DLC1: variants seen among roughly 807,000 people sequenced by gnomAD.
DLC1 encodes DLC1 Rho GTPase activating protein.
A neutral mutation model predicts 140.3 loss-of-function variants in DLC1; 54 were observed. The ratio of observed to expected loss-of-function variants is 0.38; its 90% CI spans 0.31 to 0.48. The LOEUF (loss-of-function observed/expected upper bound fraction) is 0.48, where lower values mean the gene tolerates loss of function less well. Ranked by LOEUF, DLC1 falls within the 20% of genes least tolerant of loss-of-function variation. The pLI is 0.96. For synonymous variants in DLC1, 986 were observed against 728.1 expected, an observed-to-expected ratio of 1.35 and a Z score of -5.70; for missense variants, 2,536 against 1,907.0, an observed-to-expected ratio of 1.33 and a Z score of -6.14.
At chr8:13,595,929 C>G (rs375164792) in intron 1 of DLC1, among the ~76,000 whole-genome samples, 1 of 151,926 alleles carries the variant, frequency 6.6e-6, no homozygotes, top group Non-Finnish European at 1.5e-5. Context: ...AAATATATCA[C>G]ACAAAAGCAA....
intron 3 of DLC1, among the ~76,000 whole-genome samples, chr8:13,395,051 A>ATCTATCTATCTG (rs1563311693): frequency 8.6e-6 from 1 of 116,074 alleles, no homozygotes; most frequent in African/African-American, 3.0e-5. Context: ...CTATCTATCT[A>ATCTATCTATCTG]TTAGGTACCT....
chr8:13,100,548 G>A lies in DLC1; in HGVS notation c.1789C>T (p.Leu597Phe). 6.2e-7 allele frequency: 1 copy of A among 1,613,208 alleles called. No individual in the cohort carries two copies. Among genetic ancestry groups the A allele is most frequent in the Middle Eastern group, 1.7e-4 (1 of 6,048 alleles). Residue 597 changes from leucine to phenylalanine, a missense_variant, in exon 9 of 18, where the codon CTC (leucine) becomes TTC (phenylalanine). Transcript: ENST00000276297. ...ERQEVSSVRS[L>F]SSTGSLPSHA... The stretch of plus-strand genomic sequence containing the variant: ...CTGGGGAGGCTGCCAGTGCTGCTGA[G>A]GCTGCGGACGGAAGACACCTCCTGG...
chr8:13,445,667 A>T (rs73665115), intron 2 of DLC1, among the ~76,000 whole-genome samples: 1 of 152,202 alleles, frequency 6.6e-6, no homozygotes, highest in East Asian at 1.9e-4. Flanking sequence ...ACTGAACTTT[A>T]TTATAGGGAG....
chr8:13,417,931 T>A (rs528220484), intron 2 of DLC1, among the ~76,000 whole-genome samples: 5,156 of 152,266 alleles, frequency 0.034, 279 homozygotes, highest in African/African-American at 0.12. Flanking sequence ...TGGTATCTCA[T>A]TGTGGTTTTG....
At chr8:13,159,048 G>T (rs988562521) in intron 5 of DLC1, among the ~76,000 whole-genome samples, 3 of 152,128 alleles carry the variant, frequency 2.0e-5, no homozygotes, top group South Asian at 2.1e-4. Flanking sequence ...AGTGAAGCAG[G>T]CAGAGATAGG....
chr8:13,385,523 A>C (rs1289520870), intron 4 of DLC1, among the ~76,000 whole-genome samples: 2 of 152,218 alleles, frequency 1.3e-5, no homozygotes, highest in Non-Finnish European at 2.9e-5. Context: ...TAACCAAAAC[A>C]GTCAAGGATA....
At chr8:13,131,636 C>T (rs1190343809) in intron 5 of DLC1, among the ~76,000 whole-genome samples, 1 of 152,170 alleles carries the variant, frequency 6.6e-6, no homozygotes, top group Non-Finnish European at 1.5e-5. Context: ...CGGTGATTAG[C>T]ACACACTGGG....
intron 1 of DLC1, among the ~76,000 whole-genome samples, chr8:13,564,731 G>T (rs932214422): frequency 5.3e-5 from 8 of 152,172 alleles, no homozygotes; most frequent in African/African-American, 1.4e-4. Context: ...CCTTATAGCT[G>T]CAAAGCATTC....
At chr8:13,442,083 G>A (rs576185434) in intron 2 of DLC1, among the ~76,000 whole-genome samples, 9 of 152,238 alleles carry the variant, frequency 5.9e-5, no homozygotes, top group East Asian at 1.9e-4. Flanking sequence ...TGACAAACCT[G>A]AGAAAAACAA....
intron 1 of DLC1, among the ~76,000 whole-genome samples, chr8:13,537,363 G>C (rs1010537065): frequency 1.3e-5 from 2 of 152,148 alleles, no homozygotes; most frequent in Non-Finnish European, 2.9e-5. Flanking sequence ...AACACATAGC[G>C]TATGACTCTC....
chr8:13,500,630 A>T (rs1197154853), intron 1 of DLC1, among the ~76,000 whole-genome samples: 2 of 152,220 alleles, frequency 1.3e-5, no homozygotes, highest in Admixed American at 1.3e-4. Flanking sequence ...AGCGAAAGCC[A>T]CCAGGGAACT....
chr8:13,372,679 C>T (rs751585599), intron 4 of DLC1, among the ~76,000 whole-genome samples: 1 of 152,048 alleles, frequency 6.6e-6, no homozygotes, highest in Admixed American at 6.6e-5. Flanking sequence ...TAAAAAGGAA[C>T]ACGTCATTGA....
intron 2 of DLC1, among the ~76,000 whole-genome samples, chr8:13,416,594 A>T (rs909076650): frequency 6.6e-6 from 1 of 152,198 alleles, no homozygotes; most frequent in East Asian, 1.9e-4. Context: ...TCAGAATCAA[A>T]TAGAAATAAA....
intron 4 of DLC1, among the ~76,000 whole-genome samples, chr8:13,374,839 C>T (rs1480038463): frequency 6.6e-6 from 1 of 152,096 alleles, no homozygotes; most frequent in Non-Finnish European, 1.5e-5. Context: ...ATGGAATGTT[C>T]ATTCATTTGT....
At chr8:13,509,590 A>C (rs1254325412) in intron 1 of DLC1, among the ~76,000 whole-genome samples, 1 of 152,258 alleles carries the variant, frequency 6.6e-6, no homozygotes, top group Non-Finnish European at 1.5e-5. Flanking sequence ...CAATTAATTA[A>C]GCACTTATTA....
intron 2 of DLC1, among the ~76,000 whole-genome samples, chr8:13,429,290 A>C (rs555889896): frequency 2.6e-5 from 4 of 152,342 alleles, no homozygotes; most frequent in African/African-American, 9.6e-5. Flanking sequence ...TAAACATATT[A>C]AAGTTTGAAA....
chr8:13,215,468 C>T (rs908901774), intron 5 of DLC1, among the ~76,000 whole-genome samples: 1 of 152,136 alleles, frequency 6.6e-6, no homozygotes, highest in Non-Finnish European at 1.5e-5. Context: ...CGTCTATAGT[C>T]ACAGCTACTT....
chr8:13,579,381 T>TA (rs1563454173), intron 1 of DLC1, among the ~76,000 whole-genome samples: 444 of 23,268 alleles, frequency 0.019, 94 homozygotes, highest in Middle Eastern at 0.091. Flanking sequence ...AATACATATT[T>TA]ATATATTATA....
chr8:13,224,401 A>C (rs1828693926), intron 5 of DLC1, among the ~76,000 whole-genome samples: 1 of 152,168 alleles, frequency 6.6e-6, no homozygotes, highest in Admixed American at 6.5e-5. Context: ...GCACAGTCTC[A>C]ACTGTTTATT....
Sources: allele counts gnomAD v4.1 joint callset (sites outside exome capture counted in the v4.1 genomes callset), GRCh38; gene constraint gnomAD v4.1.1; transcripts MANE v1.5; gene names NCBI Gene and HGNC (gene_info 2026-07-23, HGNC 2026-07-21).